PARD3B: variants seen among roughly 807,000 people sequenced by gnomAD.
The protein encoded by PARD3B is par-3 family cell polarity regulator beta.
PARD3B carries 103 observed loss-of-function variants against 130.2 expected under a neutral mutation model. The observed-to-expected ratio is 0.79, with a 90% CI of 0.67 to 0.93. PARD3B has a LOEUF of 0.93. Ranked by LOEUF, PARD3B falls within the 40% of genes least tolerant of loss-of-function variation. The pLI is 0.00. For synonymous variants in PARD3B, 583 were observed against 553.2 expected (o/e 1.05, Z -0.76); for missense variants, 1,609 against 1,499.2 (o/e 1.07, Z -1.21).
intron 2 of PARD3B, among the ~76,000 whole-genome samples, chr2:204,817,918 C>CT (rs934292813): frequency 1.3e-5 from 2 of 151,994 alleles, no homozygotes; most frequent in African/African-American, 4.8e-5. Flanking sequence ...GTGGAAAAAA[C>CT]TTTTTTTCAG....
At chr2:204,710,700 A>G (rs1458617524) in intron 2 of PARD3B, among the ~76,000 whole-genome samples, 1 of 152,158 alleles carries the variant, frequency 6.6e-6, no homozygotes, top group Non-Finnish European at 1.5e-5. Flanking sequence ...GAGTGATTCC[A>G]TTAGAAGAGT....
At chr2:205,273,113 A>G (rs540765312) in intron 16 of PARD3B, among the ~76,000 whole-genome samples, 194 of 152,380 alleles carry the variant, frequency 1.3e-3, no homozygotes, top group African/African-American at 4.4e-3. Context: ...AAACTAGTTC[A>G]GTGTTCTCTG....
intron 2 of PARD3B, among the ~76,000 whole-genome samples, chr2:204,960,549 T>C (rs895746335): frequency 2.0e-5 from 3 of 148,838 alleles, no homozygotes; most frequent in African/African-American, 7.5e-5. Flanking sequence ...TACACATTCA[T>C]TTAATTTTTT....
intron 4 of PARD3B, among the ~76,000 whole-genome samples, chr2:205,059,043 TAA>T (rs1699908056): frequency 6.6e-6 from 1 of 152,002 alleles, no homozygotes; most frequent in Non-Finnish European, 1.5e-5. Context: ...TGTTTTCTTC[TAA>T]GAGTTTTATA....
At chr2:205,225,017 A>G (rs2038467776) in intron 15 of PARD3B, among the ~76,000 whole-genome samples, 1 of 152,102 alleles carries the variant, frequency 6.6e-6, no homozygotes, top group Non-Finnish European at 1.5e-5. Flanking sequence ...TTGATGGACA[A>G]TTAGGTAGCT....
chr2:205,499,341 T>C (rs1456935047), intron 20 of PARD3B, among the ~76,000 whole-genome samples: 1 of 151,620 alleles, frequency 6.6e-6, no homozygotes. Context: ...ACTTTCTTAC[T>C]GTTTTGTTTT....
intron 2 of PARD3B, among the ~76,000 whole-genome samples, chr2:204,843,754 G>A (rs1269379441): frequency 1.3e-5 from 2 of 152,058 alleles, no homozygotes; most frequent in Non-Finnish European, 2.9e-5. Context: ...GCCTTTGTCT[G>A]TTTAGATCTA....
At chr2:204,763,715 T>G (rs2041009636) in intron 2 of PARD3B, among the ~76,000 whole-genome samples, 1 of 152,216 alleles carries the variant, frequency 6.6e-6, no homozygotes. Context: ...GAACAATATG[T>G]GGAGCACTAT....
At chr2:204,776,645 T>C (rs958647817) in intron 2 of PARD3B, among the ~76,000 whole-genome samples, 9 of 151,978 alleles carry the variant, frequency 5.9e-5, no homozygotes, top group Non-Finnish European at 8.8e-5. Context: ...GCCTTTTGTA[T>C]AATAAAACTT....
chr2:205,165,371 T>C (rs546952065), intron 11 of PARD3B, among the ~76,000 whole-genome samples: 261 of 152,310 alleles, frequency 1.7e-3, no homozygotes, highest in Non-Finnish European at 2.8e-3. Flanking sequence ...AATGTGGCCA[T>C]AGTAAAGGCC....
intron 10 of PARD3B, among the ~76,000 whole-genome samples, chr2:205,147,822 C>T (rs892720243): frequency 6.6e-6 from 1 of 152,062 alleles, no homozygotes; most frequent in Non-Finnish European, 1.5e-5. Flanking sequence ...CTGGTTACAC[C>T]GAGCTCTGTG....
chr2:204,859,000 A>G (rs1229416345), intron 2 of PARD3B, among the ~76,000 whole-genome samples: 1 of 151,782 alleles, frequency 6.6e-6, no homozygotes, highest in Non-Finnish European at 1.5e-5. Context: ...GAAAAGTAAA[A>G]GTTTTTAAGA....
At chr2:205,536,529 G>T (rs1317498544) in intron 21 of PARD3B, among the ~76,000 whole-genome samples, 1 of 152,136 alleles carries the variant, frequency 6.6e-6, no homozygotes, top group Non-Finnish European at 1.5e-5. Flanking sequence ...TTTAAACTCA[G>T]GGATCATCAC....
At chr2:205,225,072 G>A (rs1405061118) in intron 15 of PARD3B, among the ~76,000 whole-genome samples, 3 of 152,168 alleles carry the variant, frequency 2.0e-5, no homozygotes, top group Admixed American at 1.3e-4. Context: ...AAACATGGGA[G>A]TGAAGATATC....
chr2:204,986,769 C>T (rs776649918), intron 3 of PARD3B, among the ~76,000 whole-genome samples: 26 of 152,114 alleles, frequency 1.7e-4, no homozygotes, highest in African/African-American at 4.1e-4. Context: ...ATTTGACAGA[C>T]GCTTGATGGA....
intron 21 of PARD3B, among the ~76,000 whole-genome samples, chr2:205,510,803 C>A (rs1442359852): frequency 6.6e-6 from 1 of 152,114 alleles, no homozygotes; most frequent in Non-Finnish European, 1.5e-5. Context: ...TATACTACAA[C>A]CAGATCGTTA....
At chr2:204,592,772 A>T (rs962062472) in intron 1 of PARD3B, among the ~76,000 whole-genome samples, 1 of 152,154 alleles carries the variant, frequency 6.6e-6, no homozygotes, top group African/African-American at 2.4e-5. Context: ...CTTACCAGTT[A>T]TCCCCTATTC....
Position 205,590,119 on chromosome 2 carries a change from CATT to C in PARD3B, c.3261-25333_3261-25331del, listed in dbSNP as rs1171741202. On this transcript the variant is annotated intron_variant, in intron 22 of 22. Transcript: ENST00000406610. This position sits in a 1 kb window ranked among gnomAD's most constrained non-coding sequence, Gnocchi z 4.1. The stretch of plus-strand genomic sequence containing the variant: ...AATGTACACATGGACAATAGGTAAA[CATT>C]ATTGTTCTCTCTACATATTATTCCG... 6.6e-6 allele frequency among the ~76,000 whole-genome samples: 1 copy of C among 152,164 alleles called. No homozygotes were observed. Among genetic ancestry groups the C allele is most frequent in the African/African-American group, 2.4e-5 (1 of 41,420 alleles).
chr2:205,395,260 G>A (rs1275097807), intron 18 of PARD3B, among the ~76,000 whole-genome samples: 1 of 152,148 alleles, frequency 6.6e-6, no homozygotes, highest in Non-Finnish European at 1.5e-5. Context: ...CATGGCTTCT[G>A]TTCACACTAC....
Sources: allele counts gnomAD v4.1 joint callset (sites outside exome capture counted in the v4.1 genomes callset), GRCh38; gene constraint gnomAD v4.1.1; non-coding constraint Gnocchi (gnomAD v3.1); transcripts MANE v1.5; gene names NCBI Gene and HGNC (gene_info 2026-07-23, HGNC 2026-07-21).